The following FBXL5 variants were observed in gnomAD, a reference collection of about 807,000 sequenced individuals.
FBXL5 encodes F-box and leucine rich repeat protein 5, also known as F-box/LRR-repeat protein 5.
In FBXL5, 26 loss-of-function variants were observed where a neutral mutation model predicts 78.3. The ratio of observed to expected loss-of-function variants is 0.33; its 90% CI spans 0.24 to 0.46. The LOEUF (loss-of-function observed/expected upper bound fraction) is 0.46, where lower values mean the gene tolerates loss of function less well. FBXL5 is among the 20% of genes least tolerant of loss of function. The pLI is 1.00. For synonymous variants in FBXL5, 295 were observed against 282.5 expected (o/e 1.04, Z -0.45); for missense variants, 710 against 829.2 (o/e 0.86, Z 1.77).
At chr4:15,641,317 C>T (rs1001872246) in intron 2 of FBXL5, among the ~76,000 whole-genome samples, 6 of 152,038 alleles carry the variant, frequency 3.9e-5, no homozygotes, top group South Asian at 2.1e-4. Flanking sequence ...TTGAACTGTG[C>T]GGGTTCACTT....
Position 15,650,246 on chromosome 4 carries a change from T to G in FBXL5, c.84+4958A>C, listed in dbSNP as rs1246041310. 2.0e-5 allele frequency among the ~76,000 whole-genome samples: 3 copies of G among 152,222 alleles called. No individual in the cohort carries two copies. In the East Asian group the frequency reaches 5.8e-4, roughly 29 times the overall value. On this transcript the variant is annotated intron_variant, in intron 1 of 10. Coordinates refer to ENST00000341285, the MANE Select transcript of FBXL5 (RefSeq NM_012161.4). The stretch of plus-strand genomic sequence containing the variant: ...CCTCAAAATGTCAATAATGCTTTGG[T>G]TAAGAAATGTTGCTCTAGAAAACTG...
chr4:15,635,750 C>A (rs2148618011), intron 5 of FBXL5, among the ~76,000 whole-genome samples: 1 of 130,266 alleles, frequency 7.7e-6, no homozygotes, highest in East Asian at 2.1e-4. Flanking sequence ...CGAAACTCTG[C>A]CTCAAAAAAA....
chr4:15,679,298 C>T (rs918987449), intron 1 of FBXL5, among the ~76,000 whole-genome samples: 9 of 152,000 alleles, frequency 5.9e-5, no homozygotes, highest in Non-Finnish European at 8.8e-5. Flanking sequence ...ATGATCCACC[C>T]GCTTCGGCCT....
intron 6 of FBXL5, among the ~76,000 whole-genome samples, chr4:15,628,772 G>GACACACAC (rs1553850273): frequency 0.011 from 1,561 of 140,394 alleles, 15 homozygotes; most frequent in African/African-American, 0.037. Context: ...GCCAGACACA[G>GACACACAC]ACACACACAC....
At chr4:15,643,041 G>A (rs1033797408) in intron 2 of FBXL5, among the ~76,000 whole-genome samples, 1 of 151,840 alleles carries the variant, frequency 6.6e-6, no homozygotes, top group Non-Finnish European at 1.5e-5. Flanking sequence ...CAGATTTGTC[G>A]AAGGTGTATT....
chr4:15,641,188 G>A (rs907195788), intron 2 of FBXL5, among the ~76,000 whole-genome samples: 4 of 151,996 alleles, frequency 2.6e-5, no homozygotes, highest in Non-Finnish European at 5.9e-5. Context: ...CTACATGTCA[G>A]TTCTCTTAAT....
At chr4:15,659,170 A>T (rs531384798), upstream of FBXL5, among the ~76,000 whole-genome samples, 22 of 152,356 alleles carry the variant, frequency 1.4e-4, no homozygotes, top group African/African-American at 4.8e-4. Context: ...AGCAGTTTTA[A>T]GTACCTGACA....
chr4:15,638,429 C>G, intron 4 of FBXL5, 79 bp downstream of exon 4: 1 of 1,102,656 alleles, frequency 9.1e-7, no homozygotes, highest in Non-Finnish European at 1.2e-6. Flanking sequence ...TATTCCTCAA[C>G]CAAAATCTAC....
chr4:15,624,648 TAA>T (rs1318873718), intron 9 of FBXL5, among the ~76,000 whole-genome samples: 1 of 144,664 alleles, frequency 6.9e-6, no homozygotes. Context: ...TTATGCTTAT[TAA>T]AAAAAAAAAC....
At chr4:15,621,317 A>AC (rs763545544) in intron 9 of FBXL5, among the ~76,000 whole-genome samples, 117 of 152,376 alleles carry the variant, frequency 7.7e-4, no homozygotes, top group Non-Finnish European at 1.3e-3. Flanking sequence ...CTAGCAATGA[A>AC]CAATTTGAAA....
At chr4:15,681,116 T>C (rs1718241769) in intron 1 of FBXL5, among the ~76,000 whole-genome samples, 1 of 152,052 alleles carries the variant, frequency 6.6e-6, no homozygotes, top group Admixed American at 6.6e-5. Context: ...ATCTATTTAA[T>C]GAAATGCAGT....
At chr4:15,626,123 A>G in intron 8 of FBXL5, 146 bp from the exon 9 acceptor site, 1 of 782,658 alleles carries the variant, frequency 1.3e-6, no homozygotes, top group East Asian at 2.8e-5. Flanking sequence ...TTGTTAAGGT[A>G]CTATTCTTGA....
chr4:15,677,556 A>T (rs542179923), intron 1 of FBXL5, among the ~76,000 whole-genome samples: 2 of 152,180 alleles, frequency 1.3e-5, no homozygotes, highest in African/African-American at 4.8e-5. Flanking sequence ...CTGAGTTCAA[A>T]TAAGTGACTA....
intron 1 of FBXL5, among the ~76,000 whole-genome samples, chr4:15,653,909 T>C (rs1428378601): frequency 1.3e-5 from 2 of 152,224 alleles, no homozygotes; most frequent in African/African-American, 2.4e-5. Flanking sequence ...TCAGGACTTC[T>C]AATAGTTTTT....
intron 10 of FBXL5, among the ~76,000 whole-genome samples, chr4:15,608,065 A>G (rs760039251): frequency 2.6e-5 from 4 of 152,184 alleles, no homozygotes; most frequent in African/African-American, 7.2e-5. Flanking sequence ...GACTTCCTGT[A>G]TGTTTTCTTT....
At chr4:15,624,959 T>C (rs1285835607) in intron 9 of FBXL5, among the ~76,000 whole-genome samples, 1 of 152,216 alleles carries the variant, frequency 6.6e-6, no homozygotes, top group Non-Finnish European at 1.5e-5. Context: ...AATTGTACCT[T>C]CTTCATCCAC....
At chr4:15,615,103 C>G (rs1711660945) in intron 9 of FBXL5, among the ~76,000 whole-genome samples, 1 of 152,174 alleles carries the variant, frequency 6.6e-6, no homozygotes, top group Admixed American at 6.5e-5. Context: ...CAGTGCCAGC[C>G]CACCGGCACC....
intron 1 of FBXL5, among the ~76,000 whole-genome samples, chr4:15,670,939 T>C (rs1221340801): frequency 7.9e-6 from 1 of 127,154 alleles, no homozygotes; most frequent in Non-Finnish European, 1.7e-5. Context: ...TTTTTTTTTT[T>C]TTGAGATCGA....
chr4:15,615,326 C>CTCCACATGCAACCCCGGTGTGGGA (rs1324822741), intron 9 of FBXL5, among the ~76,000 whole-genome samples: 1 of 152,116 alleles, frequency 6.6e-6, no homozygotes, highest in East Asian at 1.9e-4. Flanking sequence ...TGGCAGGCAG[C>CTCCACATGCAACCCCGGTGTGGGA]TCCACATGCA....
Sources: allele counts gnomAD v4.1 joint callset (sites outside exome capture counted in the v4.1 genomes callset), GRCh38; gene constraint gnomAD v4.1.1; transcripts MANE v1.5; gene names NCBI Gene and HGNC (gene_info 2026-07-23, HGNC 2026-07-21).